The following DENND5B variants were observed in gnomAD, a reference collection of about 807,000 sequenced individuals.
DENND5B encodes DENN domain containing 5B.
DENND5B carries 34 observed loss-of-function variants against 140.6 expected under a neutral mutation model. The ratio of observed to expected loss-of-function variants is 0.24; its 90% CI spans 0.18 to 0.32. The LOEUF is 0.32. Ranked by LOEUF, DENND5B falls within the 10% of genes least tolerant of loss-of-function variation. DENND5B has a pLI of 1.00. For synonymous variants in DENND5B, 551 were observed against 562.1 expected (o/e 0.98, Z 0.28); for missense variants, 1,142 against 1,560.2 (o/e 0.73, Z 4.52).
intron 1 of DENND5B, chr12:31,589,884 C>G (rs1950543747): frequency 6.6e-6 from 1 of 152,346 alleles, no homozygotes; most frequent in South Asian, 2.1e-4. Flanking sequence ...CGCCCTTTAG[C>G]GGCCCCTTTT....
intron 1 of DENND5B, among the ~76,000 whole-genome samples, chr12:31,522,732 A>G (rs1385175595): frequency 6.6e-6 from 1 of 152,202 alleles, no homozygotes; most frequent in East Asian, 1.9e-4. Context: ...GCGACTGCAC[A>G]CGGCCTTTTT....
chr12:31,429,711 G>GT (rs889136494), intron 8 of DENND5B, among the ~76,000 whole-genome samples: 9 of 150,228 alleles, frequency 6.0e-5, no homozygotes, highest in South Asian at 2.1e-4. Flanking sequence ...GCCCTGCCTG[G>GT]TTTTTTTTGT....
chr12:31,399,275 CTTT>C (rs530514939), intron 16 of DENND5B, among the ~76,000 whole-genome samples: 8 of 60,426 alleles, frequency 1.3e-4, no homozygotes, highest in Admixed American at 2.6e-4. Flanking sequence ...TCAAACAATT[CTTT>C]TTTTTTTTTT....
At chr12:31,424,290 C>A (rs1430099065) in intron 10 of DENND5B, among the ~76,000 whole-genome samples, 1 of 152,124 alleles carries the variant, frequency 6.6e-6, no homozygotes, top group Non-Finnish European at 1.5e-5. Context: ...ATGGAACTTA[C>A]TAGGGATACA....
Position 31,409,247 on chromosome 12 carries a change from A to C in DENND5B, c.2803+16T>G. On this transcript the variant is annotated intron_variant, in intron 14 of 20. Transcript: ENST00000389082. Reference sequence around the variant, plus strand: ...GTCACCTCAGTAACCCTTAACGGTCAATTCTCTAGACTTACTGATAGTGGT... The same window carrying C: ...GTCACCTCAGTAACCCTTAACGGTCCATTCTCTAGACTTACTGATAGTGGT... 6.4e-7 allele frequency: 1 copy of C among 1,557,556 alleles called. No homozygotes were observed.
chr12:31,589,257 T>C (rs1950515122), intron 1 of DENND5B, among the ~76,000 whole-genome samples: 1 of 152,218 alleles, frequency 6.6e-6, no homozygotes, highest in Non-Finnish European at 1.5e-5. Flanking sequence ...TCCAAATCTC[T>C]CTGCAGACAT....
At chr12:31,560,921 G>T (rs1056855842) in intron 1 of DENND5B, among the ~76,000 whole-genome samples, 1 of 150,578 alleles carries the variant, frequency 6.6e-6, no homozygotes, top group African/African-American at 2.4e-5. Flanking sequence ...ATTGCAACCA[G>T]CTCCTTTACT....
intron 11 of DENND5B, among the ~76,000 whole-genome samples, chr12:31,421,556 TAC>T (rs10542554): frequency 0.38 from 57,805 of 151,674 alleles, 11,804 homozygotes; most frequent in East Asian, 0.57. Flanking sequence ...CCTATAAATA[TAC>T]ATCTTTTCTG....
At chr12:31,450,334 G>GA (rs1299909667) in intron 5 of DENND5B, among the ~76,000 whole-genome samples, 2 of 150,392 alleles carry the variant, frequency 1.3e-5, no homozygotes. Context: ...TCCTCCAACA[G>GA]AAAAAATATC....
chr12:31,464,064 T>C (rs1310943669), intron 3 of DENND5B, among the ~76,000 whole-genome samples: 1 of 151,368 alleles, frequency 6.6e-6, no homozygotes, highest in African/African-American at 2.5e-5. Flanking sequence ...CTTTAAGCAT[T>C]TTTTTTAAAC....
intron 1 of DENND5B, among the ~76,000 whole-genome samples, chr12:31,544,384 CAA>C (rs1948783811): frequency 2.0e-5 from 3 of 152,288 alleles, no homozygotes; most frequent in Middle Eastern, 3.4e-3. Flanking sequence ...AGGGCTCAAG[CAA>C]TCCTCCTGCC....
At chr12:31,551,702 A>C (rs1255532837) in intron 1 of DENND5B, among the ~76,000 whole-genome samples, 2 of 152,212 alleles carry the variant, frequency 1.3e-5, no homozygotes, top group East Asian at 3.9e-4. Flanking sequence ...ATGAGCATGG[A>C]ATGTTCTTCC....
chr12:31,439,127 A>G (rs548069017), intron 7 of DENND5B, among the ~76,000 whole-genome samples: 10 of 152,348 alleles, frequency 6.6e-5, no homozygotes, highest in South Asian at 4.1e-4. Flanking sequence ...TACTAAGCAT[A>G]ATTTTACCAA....
chr12:31,466,460 C>T (rs948566351), intron 3 of DENND5B, among the ~76,000 whole-genome samples: 5 of 151,928 alleles, frequency 3.3e-5, no homozygotes, highest in South Asian at 4.1e-4. Context: ...TGGGAGGCCA[C>T]GGCGCGTGGA....
Position 31,392,306 on chromosome 12 carries a change from G to C in DENND5B, c.3427C>G (p.Arg1143Gly). The C allele has an allele frequency of 6.2e-7, 1 of 1,613,614 alleles. No individual in the cohort carries two copies. The highest frequency in any genetic ancestry group is 8.5e-7 in the Non-Finnish European group (1 of 1,179,820). ...QVFHHGFKSARIFHKNVFIWD... is the reference protein window; with the variant it reads ...QVFHHGFKSAGIFHKNVFIWD... Reference sequence around the variant, plus strand: ...ATGAAGACATTCTTGTGAAAGATGCGGGCAGATTTGAACCCATGGTGGAAA... The same window carrying C: ...ATGAAGACATTCTTGTGAAAGATGCCGGCAGATTTGAACCCATGGTGGAAA... The change falls in exon 19 of 21, where the codon CGC (arginine) becomes GGC (glycine). Residue 1143 changes from arginine (R) to glycine (G), a missense_variant. Arg to Gly is a moderately radical substitution (Grantham distance 125). This residue lies in a region of DENND5B where 125 missense variants were observed against 179.0 expected (regional missense o/e 0.70). Coordinates refer to ENST00000389082, the MANE Select transcript of DENND5B (RefSeq NM_144973.4).
chr12:31,519,466 T>C (rs1302913804), intron 1 of DENND5B, among the ~76,000 whole-genome samples: 1 of 152,218 alleles, frequency 6.6e-6, no homozygotes, highest in Non-Finnish European at 1.5e-5. Flanking sequence ...TGGTTTTCTT[T>C]CTACTCATCT....
chr12:31,495,375 A>ATTTCTGTTTT (rs1555163259), intron 2 of DENND5B, among the ~76,000 whole-genome samples: 2 of 47,814 alleles, frequency 4.2e-5, no homozygotes, highest in East Asian at 2.0e-3. Context: ...AGAGTATCAC[A>ATTTCTGTTTT]TTTCTTTTTT....
At chr12:31,388,903 CCTAT>C (rs1940986153) in intron 20 of DENND5B, among the ~76,000 whole-genome samples, 1 of 152,118 alleles carries the variant, frequency 6.6e-6, no homozygotes, top group African/African-American at 2.4e-5. Flanking sequence ...TTCCTTATTA[CCTAT>C]CTATCTGTCG....
chr12:31,517,729 G>C (rs1235709839), intron 1 of DENND5B, among the ~76,000 whole-genome samples: 1 of 152,146 alleles, frequency 6.6e-6, no homozygotes, highest in Non-Finnish European at 1.5e-5. Flanking sequence ...ATCTGGGAAG[G>C]TCAGGGAGGA....
Sources: gnomAD v4.1 joint callset for allele counts (sites outside exome capture counted in the v4.1 genomes callset) on GRCh38, gnomAD v4.1.1 for gene constraint, gnomAD v4.1.1 regional missense constraint, MANE v1.5 for transcripts, NCBI Gene and HGNC (gene_info 2026-07-23, HGNC 2026-07-21) for gene names.